The following CAPN15 variants were observed in gnomAD, a reference collection of about 807,000 sequenced individuals.
CAPN15 encodes calpain-15.
A neutral mutation model predicts 97.9 loss-of-function variants in CAPN15; 53 were observed. The observed-to-expected ratio is 0.54, with a 90% CI of 0.43 to 0.68. The LOEUF is 0.68. Ranked by LOEUF, CAPN15 falls within the 30% of genes least tolerant of loss-of-function variation. The pLI, the probability that CAPN15 is intolerant of heterozygous loss-of-function variation, is 0.00. For missense variants in CAPN15, 1,592 were observed against 1,589.8 expected (o/e 1.00, Z -0.02); for synonymous variants, 922 against 722.5 (o/e 1.28, Z -4.43).
intron 3 of CAPN15, among the ~76,000 whole-genome samples, chr16:546,500 C>T (rs1382649116): frequency 6.6e-6 from 1 of 152,226 alleles, no homozygotes; most frequent in African/African-American, 2.4e-5. Context: ...CTGCTATCTG[C>T]CGTCCACAGG....
chr16:553,484 G>A lies in CAPN15; in HGVS notation c.3229G>A (p.Val1077Ile), dbSNP rs1334688182. 1.2e-6 allele frequency: 2 copies of A among 1,609,854 alleles called. No individual in the cohort carries two copies. Among genetic ancestry groups the A allele is most frequent in the South Asian group, 1.1e-5 (1 of 90,874 alleles). Residue 1077 changes from valine (V) to isoleucine (I), a missense_variant, in exon 14 of 14, where the codon GTC (valine) becomes ATC (isoleucine). Transcript: ENST00000219611. ...GTHSPPLTPE[V>I]AGLHGPRPL ...CCACAGCCCCCCACTCACGCCAGAGGTCGCCGGTCTGCATGGGCCCCGACC... is the reference window on the plus strand; with the variant it reads ...CCACAGCCCCCCACTCACGCCAGAGATCGCCGGTCTGCATGGGCCCCGACC...
In CAPN15 at chr16:548,110, C is replaced by A; in HGVS notation, c.1272C>A (p.Leu424=). The A allele has an allele frequency of 6.5e-7, 1 of 1,537,790 alleles. No homozygotes were observed. The stretch of plus-strand genomic sequence containing the variant: ...GGGCCTGCCCTGCCTGTACCCTGCT[C>A]AACGCACTGCGGGCCAAGCACTGCG... ...GQWACPACTL[L]NALRAKHCAA... Residue 424 remains leucine, a synonymous_variant, in exon 4 of 14, where the codon CTC becomes CTA. Coordinates refer to ENST00000219611, the MANE Select transcript of CAPN15 (RefSeq NM_005632.3).
intron 3 of CAPN15, among the ~76,000 whole-genome samples, chr16:541,451 C>T (rs1274060780): frequency 1.3e-5 from 2 of 152,184 alleles, no homozygotes; most frequent in Non-Finnish European, 2.9e-5. Flanking sequence ...AAAGGCAGGG[C>T]CGGGGAGGGG....
intron 3 of CAPN15, among the ~76,000 whole-genome samples, chr16:543,974 CTGCGGCCA>C (rs200065794): frequency 0.032 from 4,848 of 152,252 alleles, 144 homozygotes; most frequent in African/African-American, 0.071. Context: ...CCAGGGCAGC[CTGCGGCCA>C]TGCGGCCATG....
At chr16:533,704 G>A (rs1258792967) in intron 1 of CAPN15, among the ~76,000 whole-genome samples, 1 of 152,228 alleles carries the variant, frequency 6.6e-6, no homozygotes, top group Admixed American at 6.5e-5. Flanking sequence ...GACAGGTCAA[G>A]GGCCTTAAAC....
rs762129105 is a variant in CAPN15 at position 551,520 on chromosome 16, G to A, written c.2201G>A (p.Arg734Gln). 3.8e-5 allele frequency: 61 copies of A among 1,610,022 alleles called. No homozygotes were observed. The Middle Eastern group carries it at 6.6e-4, about 17-fold the overall frequency. ...ACCCCTGTGGTCTGCAGGCTTCTGC[G>A]GCTCCGAAACCCGTGGGGCCGTTTC... is the stretch of plus-strand genomic sequence containing the variant. ...VRDVQGTRLL[R>Q]LRNPWGRFSW... Residue 734 changes from arginine to glutamine, a missense_variant, in exon 9 of 14, where the codon CGG (arginine) becomes CAG (glutamine). By Grantham distance (43) the Arg-to-Gln change is conservative (BLOSUM62 1). This residue lies in a region of CAPN15 where 644 missense variants were observed against 699.6 expected (regional missense o/e 0.92). Transcript: ENST00000219611.
chr16:550,733 C>CA (rs145905062), intron 7 of CAPN15, among the ~76,000 whole-genome samples: 2 of 9,356 alleles, frequency 2.1e-4, no homozygotes, highest in South Asian at 9.6e-3. Flanking sequence ...TGAGGGTCCC[C>CA]GTCGGTGAGG....
chr16:550,748 C>T lies in CAPN15; in HGVS notation c.2067-554C>T, dbSNP rs1290046509. On this transcript the variant is annotated intron_variant, in intron 7 of 13. Transcript: ENST00000219611. The stretch of plus-strand genomic sequence containing the variant: ...TGAGGGTCCCCGTCGGTGAGGGTCC[C>T]GGTCGGTGAGGGTCCCCTGCCGGTG... Among the ~76,000 whole-genome samples the T allele has an allele frequency of 3.5e-4, 49 of 141,654 alleles. 1 individual carries two copies. Among genetic ancestry groups the T allele is most frequent in the Middle Eastern group, 4.5e-3 (1 of 222 alleles). 92.9% of individuals were successfully genotyped at this position (141,654 alleles called of 152,430 possible). A position where few individuals can be genotyped will look rare whatever the true frequency, so the allele number is the denominator to read the frequency against.
rs779571734 is a variant in CAPN15, at chr16:547,051, G to A, written c.213G>A (p.Pro71=). 54 of 1,605,992 alleles carry A rather than the reference G, an allele frequency of 3.4e-5. No individual in the cohort carries two copies. Among genetic ancestry groups the A allele is most frequent in the African/African-American group, 8.0e-5 (6 of 74,882 alleles). ...KEACEVCGFT[P]EPAPGAAFLP... ...CCTGCGAGGTGTGCGGCTTCACCCC[G>A]GAGCCTGCGCCTGGGGCTGCCTTCC... The change falls in exon 4 of 14, where the codon CCG becomes CCA. Residue 71 remains proline (P), a synonymous_variant. Coordinates refer to ENST00000219611, the MANE Select transcript of CAPN15 (RefSeq NM_005632.3).
rs1239936182 is a variant in CAPN15, at chr16:552,260, CCGTGACCACG to C, written c.2508-33_2508-24del. ...GGGCTGGGCTGGGCTAGGCTGGCGG[CCGTGACCACG>C]CGTGACCCTGGCCCGTGGTGTCTGG... is the stretch of plus-strand genomic sequence containing the variant. On this transcript the variant is annotated intron_variant, in intron 10 of 13. Transcript: ENST00000219611. This position sits in a 1 kb window ranked among gnomAD's most constrained non-coding sequence, Gnocchi z 6.4. 1 of 1,535,014 alleles carries C rather than the reference CCGTGACCACG, an allele frequency of 6.5e-7. No homozygotes were observed. The highest frequency in any genetic ancestry group is 8.8e-7 in the Non-Finnish European group (1 of 1,140,410).
chr16:551,330 G>T lies in CAPN15; in HGVS notation c.2095G>T (p.Gly699Cys). 1.2e-6 allele frequency: 2 copies of T among 1,606,414 alleles called. No individual in the cohort carries two copies. The highest frequency in any genetic ancestry group is 1.7e-6 in the Non-Finnish European group (2 of 1,176,632). The part of the protein sequence containing the change: ...GFLMGASCGG[G>C]NMKVDDSAYE... ...CCTCATGGGTGCCTCCTGTGGCGGG[G>T]GCAACATGAAGGTGGACGATTCGGC... Residue 699 changes from glycine (G) to cysteine (C), a missense_variant, in exon 8 of 14, where the codon GGC (glycine) becomes TGC (cysteine). Gly to Cys is a radical substitution (Grantham distance 159, BLOSUM62 -3). This residue lies in a region of CAPN15 where 644 missense variants were observed against 699.6 expected (regional missense o/e 0.92). Coordinates refer to ENST00000219611, the MANE Select transcript of CAPN15 (RefSeq NM_005632.3).
At position 553,470 on chromosome 16, in the gene CAPN15, C is replaced by T. The variant is rs151328571; in HGVS notation, c.3215C>T (p.Pro1072Leu). 1.1e-5 allele frequency: 17 copies of T among 1,611,270 alleles called. No individual in the cohort carries two copies. Among genetic ancestry groups the T allele is most frequent in the Non-Finnish European group, 1.4e-5 (17 of 1,179,318 alleles). Residue 1072 changes from proline to leucine, a missense_variant, in exon 14 of 14, where the codon CCA becomes CTA. Coordinates refer to ENST00000219611, the MANE Select transcript of CAPN15 (RefSeq NM_005632.3). ...GCCTCCAAGGGGACCCACAGCCCCC[C>T]ACTCACGCCAGAGGTCGCCGGTCTG... ...WTASKGTHSP[P>L]LTPEVAGLHG...
rs527865943 is a variant in CAPN15 at position 547,788 on chromosome 16, C to T, written c.950C>T (p.Ser317Leu). Residue 317 changes from serine to leucine, a missense_variant, in exon 4 of 14, where the codon TCG becomes TTG. By Grantham distance (145) the Ser-to-Leu change is moderately radical. Coordinates refer to ENST00000219611, the MANE Select transcript of CAPN15 (RefSeq NM_005632.3). ...TSRVEAGSST[S>L]GSDIIDLAGD... The stretch of plus-strand genomic sequence containing the variant: ...CGCGTAGAGGCCGGCAGCTCCACCT[C>T]GGGCAGTGACATCATTGACCTGGCC... The T allele has an allele frequency of 4.5e-5, 73 of 1,611,698 alleles. No homozygotes were observed. The highest frequency in any genetic ancestry group is 2.5e-4 in the African/African-American group (19 of 75,036).
Position 546,925 on chromosome 16 carries a change from C to G in CAPN15, c.87C>G (p.Pro29=). ...GQRQCSICEA[P]RHKPDLNHIL... is the part of the protein sequence containing the mutation. ...GCCAGTGCTCCATCTGCGAGGCTCC[C>G]CGGCACAAGCCCGACCTCAACCACA... The change falls in exon 4 of 14, where the codon CCC becomes CCG. Residue 29 remains proline, a synonymous_variant. Transcript: ENST00000219611. 6.2e-7 allele frequency: 1 copy of G among 1,610,988 alleles called. No homozygotes were observed. The highest frequency in any genetic ancestry group is 1.1e-5 in the South Asian group (1 of 91,080).
In CAPN15 at chr16:552,624, G is replaced by T. The variant is rs1187398823; in HGVS notation, c.2757G>T (p.Gly919=). 2.0e-6 allele frequency: 3 copies of T among 1,536,782 alleles called. No individual in the cohort carries two copies. Among genetic ancestry groups the T allele is most frequent in the African/African-American group, 1.4e-5 (1 of 72,964 alleles). Residue 919 remains glycine, a synonymous_variant, in exon 12 of 14, where the codon GGG becomes GGT. Coordinates refer to ENST00000219611, the MANE Select transcript of CAPN15 (RefSeq NM_005632.3). The surrounding 1 kb of genome is among the most constrained non-coding windows in gnomAD (Gnocchi z 6.4). The part of the protein sequence containing the change: ...PAPQASSPSA[G]VPRASPEPPG... ...TTGTAGCCTCCAGCCCCTCGGCAGG[G>T]GTCCCGAGAGCCTCCCCAGAGCCGC...
At position 552,624 on chromosome 16, in the gene CAPN15, G is replaced by A. The variant is rs1187398823; in HGVS notation, c.2757G>A (p.Gly919=). Residue 919 remains glycine, a synonymous_variant, in exon 12 of 14, where the codon GGG becomes GGA. Coordinates refer to ENST00000219611, the MANE Select transcript of CAPN15 (RefSeq NM_005632.3). This position sits in a 1 kb window ranked among gnomAD's most constrained non-coding sequence, Gnocchi z 6.4. Reference sequence around the variant, plus strand: ...TTGTAGCCTCCAGCCCCTCGGCAGGGGTCCCGAGAGCCTCCCCAGAGCCGC... The same window carrying A: ...TTGTAGCCTCCAGCCCCTCGGCAGGAGTCCCGAGAGCCTCCCCAGAGCCGC... The part of the protein sequence containing the change: ...PAPQASSPSA[G]VPRASPEPPG... The A allele has an allele frequency of 3.9e-6, 6 of 1,536,784 alleles. No individual in the cohort carries two copies. The highest frequency in any genetic ancestry group is 5.2e-6 in the Non-Finnish European group (6 of 1,143,120).
chr16:547,433 G>C lies in CAPN15; in HGVS notation c.595G>C (p.Ala199Pro). The C allele has an allele frequency of 1.3e-6, 2 of 1,582,192 alleles. No homozygotes were observed. Among genetic ancestry groups the C allele is most frequent in the Admixed American group, 1.7e-5 (1 of 58,156 alleles). ...APAGFHVVPA[A>P]PPPGLPGEGA... ...GGCCGGCTTCCACGTCGTGCCTGCCGCGCCTCCACCTGGCCTCCCCGGGGA... is the reference window on the plus strand; with the variant it reads ...GGCCGGCTTCCACGTCGTGCCTGCCCCGCCTCCACCTGGCCTCCCCGGGGA... Residue 199 changes from alanine (A) to proline (P), a missense_variant, in exon 4 of 14, where the codon GCG (alanine) becomes CCG (proline). Coordinates refer to ENST00000219611, the MANE Select transcript of CAPN15 (RefSeq NM_005632.3).
chr16:533,944 A>G lies in CAPN15; in HGVS notation c.-189-2A>G, dbSNP rs1567134128. The G allele has an allele frequency of 2.0e-6, 2 of 985,066 alleles. No homozygotes were observed. Among genetic ancestry groups the G allele is most frequent in the African/African-American group, 3.5e-5 (2 of 57,236 alleles). The allele number at this position is 985,066 out of a possible 1,614,324, so 61.0% of individuals were successfully genotyped here. On this transcript the variant is annotated splice_acceptor_variant, in intron 1 of 13. Coordinates refer to ENST00000219611, the MANE Select transcript of CAPN15 (RefSeq NM_005632.3). LOFTEE classifies it low-confidence loss of function (5UTR_SPLICE). ...TGCCTGATTAAATGCCTCCCTTTCT[A>G]GGCAGCAGCCCAGACGCGGCACAGA...
chr16:552,498 G>A lies in CAPN15; in HGVS notation c.2705G>A (p.Gly902Glu). 4 of 1,606,120 alleles carry A rather than the reference G, an allele frequency of 2.5e-6. No homozygotes were observed. The highest frequency in any genetic ancestry group is 3.4e-6 in the Non-Finnish European group (4 of 1,179,102). The change falls in exon 11 of 14, where the codon GGG becomes GAG. Residue 902 changes from glycine to glutamate, a missense_variant. Physicochemically the swap from Gly to Glu is moderately conservative, Grantham distance 98. Around this residue, in one of 3 missense-constraint regions of CAPN15, gnomAD observed 644 missense variants for 699.6 expected, o/e 0.92. Transcript: ENST00000219611. The surrounding 1 kb of genome is among the most constrained non-coding windows in gnomAD (Gnocchi z 6.4). ...GTGTGCTGCGCCTTCAACCACTGGG[G>A]GCCGCCCCTGCCGGGCACCCCTGCC... ...AVVCCAFNHW[G>E]PPLPGTPAPQ...
Sources: gnomAD v4.1 joint callset for allele counts (sites outside exome capture counted in the v4.1 genomes callset) on GRCh38, gnomAD v4.1.1 for gene constraint, gnomAD v4.1.1 regional missense constraint, Gnocchi (gnomAD v3.1) non-coding constraint, MANE v1.5 for transcripts, NCBI Gene and HGNC (gene_info 2026-07-23, HGNC 2026-07-21) for gene names.